The following AMPH variants were observed in gnomAD, a reference collection of about 807,000 sequenced individuals.
AMPH encodes the protein amphiphysin.
Under a neutral mutation model 99.1 loss-of-function variants are expected in AMPH, and 49 were observed. That is an observed-to-expected ratio of 0.49 (90% confidence interval 0.39 to 0.63). The LOEUF (loss-of-function observed/expected upper bound fraction) is 0.63, where lower values mean the gene tolerates loss of function less well. AMPH is among the 20% of genes least tolerant of loss of function. AMPH has a pLI of 0.00. For missense variants in AMPH, 759 were observed against 863.4 expected, an observed-to-expected ratio of 0.88 and a Z score of 1.52; for synonymous variants, 314 against 317.3, an observed-to-expected ratio of 0.99 and a Z score of 0.11.
intron 1 of AMPH, among the ~76,000 whole-genome samples, chr7:38,616,158 C>T (rs17500182): frequency 2.0e-5 from 3 of 152,112 alleles, no homozygotes; most frequent in African/African-American, 7.2e-5. Context: ...ACAAGCAAGT[C>T]GTAGTCTGAG....
intron 1 of AMPH, among the ~76,000 whole-genome samples, chr7:38,610,130 G>A (rs1015068301): frequency 6.7e-6 from 1 of 150,002 alleles, no homozygotes; most frequent in South Asian, 2.1e-4. Context: ...CAGCTACTCG[G>A]GAGGCTGAGG....
rs535968208 is a variant in AMPH, at chr7:38,453,198, C to T, written c.1017+8085G>A. Among the ~76,000 whole-genome samples the T allele has an allele frequency of 3.3e-5, 5 of 152,250 alleles. No individual in the cohort carries two copies. In the South Asian group the frequency reaches 6.2e-4, roughly 19 times the overall value. On this transcript the variant is annotated intron_variant, in intron 11 of 20. Transcript: ENST00000356264. ...AACAATATAAATAAGGCTGTGCCCC[C>T]GAAAATGCACTCCTATAATGTCTCT...
chr7:38,548,189 C>T (rs1438989859), intron 1 of AMPH, among the ~76,000 whole-genome samples: 13 of 152,132 alleles, frequency 8.5e-5, no homozygotes, highest in Admixed American at 5.2e-4. Context: ...CCACCACACC[C>T]GGCTAATTTT....
intron 2 of AMPH, among the ~76,000 whole-genome samples, chr7:38,524,528 CTT>C (rs1221460020): frequency 6.6e-6 from 1 of 152,116 alleles, no homozygotes; most frequent in Non-Finnish European, 1.5e-5. Context: ...AATTCACTGA[CTT>C]TGACAGAAGG....
intron 1 of AMPH, among the ~76,000 whole-genome samples, chr7:38,600,411 T>C (rs1046328749): frequency 2.0e-5 from 3 of 152,196 alleles, no homozygotes; most frequent in Admixed American, 1.3e-4. Context: ...TCCCGATTTT[T>C]AAATACAATG....
At chr7:38,577,577 T>G (rs1028778640) in intron 1 of AMPH, among the ~76,000 whole-genome samples, 1 of 151,852 alleles carries the variant, frequency 6.6e-6, no homozygotes, top group Non-Finnish European at 1.5e-5. Flanking sequence ...GCACTTAACA[T>G]AGTGTCTCAT....
At chr7:38,459,162 T>C (rs1787346951) in intron 11 of AMPH, among the ~76,000 whole-genome samples, 4 of 151,732 alleles carry the variant, frequency 2.6e-5, no homozygotes, top group Admixed American at 2.0e-4. Flanking sequence ...TAGGAAGAAA[T>C]TTAGCCAAGG....
intron 17 of AMPH, among the ~76,000 whole-genome samples, chr7:38,412,155 A>G (rs1448499934): frequency 1.3e-5 from 2 of 152,218 alleles, no homozygotes; most frequent in Non-Finnish European, 2.9e-5. Flanking sequence ...GGAACGAGAT[A>G]GAGGTGATGA....
rs560432527 is a variant in AMPH, at chr7:38,418,773, A to G, written c.1273-823T>C. On this transcript the variant is annotated intron_variant, in intron 16 of 20. Transcript: ENST00000356264. ...ATTATACCCCCTGAATTGTGTAGGC[A>G]GGGTGAGGTCTTTTTGTCCCAACAA... is the stretch of plus-strand genomic sequence containing the variant. Among the ~76,000 whole-genome samples, 5 of 152,302 alleles carry G rather than the reference A, an allele frequency of 3.3e-5. No individual in the cohort carries two copies. The East Asian group carries it at 5.8e-4, about 18-fold the overall frequency.
intron 1 of AMPH, among the ~76,000 whole-genome samples, chr7:38,575,143 A>C (rs1190978716): frequency 6.6e-6 from 1 of 151,782 alleles, no homozygotes; most frequent in South Asian, 2.1e-4. Flanking sequence ...TTCCTGTTGC[A>C]TCTTTCAAAC....
chr7:38,499,819 C>T (rs1327587943), intron 3 of AMPH, among the ~76,000 whole-genome samples: 2 of 152,214 alleles, frequency 1.3e-5, no homozygotes, highest in African/African-American at 2.4e-5. Flanking sequence ...ATCATGCGGG[C>T]GGGTTTCTCC....
intron 1 of AMPH, among the ~76,000 whole-genome samples, chr7:38,611,132 C>T (rs1793667106): frequency 6.6e-6 from 1 of 152,118 alleles, no homozygotes; most frequent in Non-Finnish European, 1.5e-5. Flanking sequence ...AATGTGATTC[C>T]ACCTTTAAGA....
At chr7:38,414,227 A>G (rs902736863) in intron 17 of AMPH, among the ~76,000 whole-genome samples, 1 of 152,246 alleles carries the variant, frequency 6.6e-6, no homozygotes, top group Non-Finnish European at 1.5e-5. Context: ...TGGTCTTGAC[A>G]AGTTTAGTGG....
At chr7:38,598,201 CAAGTTGTT>C (rs1793124174) in intron 1 of AMPH, among the ~76,000 whole-genome samples, 1 of 152,134 alleles carries the variant, frequency 6.6e-6, no homozygotes, top group Non-Finnish European at 1.5e-5. Context: ...TTAGTGAAAG[CAAGTTGTT>C]AAGTTAGTCT....
At chr7:38,441,826 CATATA>C (rs1584096881) in intron 11 of AMPH, among the ~76,000 whole-genome samples, 1 of 96,926 alleles carries the variant, frequency 1.0e-5, no homozygotes, top group East Asian at 4.3e-4. Context: ...TATCATATAT[CATATA>C]TATCATATAT....
intron 1 of AMPH, among the ~76,000 whole-genome samples, chr7:38,557,652 A>G (rs1453796112): frequency 6.6e-6 from 1 of 152,202 alleles, no homozygotes. Context: ...TATTAGCAGC[A>G]TGAGAACAGA....
At chr7:38,384,953 G>A (rs767990888) in intron 20 of AMPH, 28 bp from the exon 21 acceptor site, 4 of 1,594,588 alleles carry the variant, frequency 2.5e-6, no homozygotes, top group Non-Finnish European at 3.4e-6. Flanking sequence ...AACTTTCAGG[G>A]TCCAGCAAAC....
intron 20 of AMPH, among the ~76,000 whole-genome samples, 174 bp from the exon 21 acceptor site, chr7:38,385,099 G>A (rs1317392885): frequency 6.8e-6 from 1 of 147,034 alleles, no homozygotes; most frequent in East Asian, 2.0e-4. Flanking sequence ...TAAGTTGTTA[G>A]TTAAAAAAAA....
intron 2 of AMPH, among the ~76,000 whole-genome samples, chr7:38,517,425 A>C (rs566320112): frequency 6.6e-6 from 1 of 152,328 alleles, no homozygotes; most frequent in African/African-American, 2.4e-5. Context: ...TGCTTCAGCC[A>C]TGTAAGCTGT....
Sources: gnomAD v4.1 joint callset for allele counts (sites outside exome capture counted in the v4.1 genomes callset) on GRCh38, gnomAD v4.1.1 for gene constraint, MANE v1.5 for transcripts, NCBI Gene and HGNC (gene_info 2026-07-23, HGNC 2026-07-21) for gene names.